Variants in NAMPT observed in about 807,000 individuals in gnomAD.
The protein encoded by NAMPT is NAmPRTase.
A neutral mutation model predicts 58.7 loss-of-function variants in NAMPT; 7 were observed. The ratio of observed to expected loss-of-function variants is 0.12; its 90% CI spans 0.07 to 0.22. The LOEUF is 0.22. Ranked by LOEUF, NAMPT falls within the 10% of genes least tolerant of loss-of-function variation. NAMPT has a pLI of 1.00. For missense variants in NAMPT, 271 were observed against 567.9 expected (o/e 0.48, Z 5.31); for synonymous variants, 145 against 198.1 (o/e 0.73, Z 2.25).
chr7:106,252,930 AAAC>A, intron 10 of NAMPT, 84 bp downstream of exon 10: 1 of 1,474,656 alleles, frequency 6.8e-7, no homozygotes, highest in Non-Finnish European at 9.2e-7. Flanking sequence ...TCTTCCACAA[AAAC>A]AATAACATAA....
intron 1 of NAMPT, 128 bp from the exon 2 acceptor site, chr7:106,277,307 T>C: frequency 1.3e-6 from 1 of 740,976 alleles, no homozygotes; most frequent in Non-Finnish European, 2.2e-6. Flanking sequence ...CCAGTTTCTT[T>C]TCCTGGCTAT....
chr7:106,283,248 A>G (rs1193028814), intron 1 of NAMPT, among the ~76,000 whole-genome samples: 1 of 152,218 alleles, frequency 6.6e-6, no homozygotes, highest in Non-Finnish European at 1.5e-5. Context: ...AGTGCAATTA[A>G]GTATGGCTCA....
intron 7 of NAMPT, 194 bp downstream of exon 7, chr7:106,263,198 A>G (rs1021501568): frequency 4.2e-5 from 23 of 543,528 alleles, no homozygotes; most frequent in Admixed American, 6.9e-5. Context: ...AAAACAATCC[A>G]TAAGTCTTGG....
rs1792077984 is a variant in NAMPT at position 106,249,859 on chromosome 7, A to AGAATCTAGTAG, written c.*1213_*1223dup. 1 of 152,076 alleles carries AGAATCTAGTAG rather than the reference A, an allele frequency of 6.6e-6. No homozygotes were observed. Among genetic ancestry groups the AGAATCTAGTAG allele is most frequent in the Admixed American group, 6.6e-5 (1 of 15,240 alleles). The allele number at this position is 152,076 out of a possible 1,614,324, so 9.4% of individuals were successfully genotyped here. A position where few individuals can be genotyped will look rare whatever the true frequency, so the allele number is the denominator to read the frequency against. On this transcript the variant is annotated 3_prime_UTR_variant, in exon 11 of 11. Coordinates refer to ENST00000222553, the MANE Select transcript of NAMPT (RefSeq NM_005746.3). ...TCTAGTCAGATGTGATGTATGATTC[A>AGAATCTAGTAG]GAATCTAGTAGCTAATCACTCTAGA... is the stretch of plus-strand genomic sequence containing the variant.
chr7:106,285,139 C>T (rs921059569), upstream of NAMPT: 1 of 1,280,182 alleles, frequency 7.8e-7, no homozygotes, highest in African/African-American at 1.6e-5. Context: ...CCTCGGTTCC[C>T]CCGCCTTCAC....
At chr7:106,259,212 C>T (rs905867643) in intron 8 of NAMPT, among the ~76,000 whole-genome samples, 1 of 152,216 alleles carries the variant, frequency 6.6e-6, no homozygotes, top group African/African-American at 2.4e-5. Flanking sequence ...TCTTCAGGCT[C>T]CACCACTTCT....
At chr7:106,255,806 C>T (rs1792188866) in intron 8 of NAMPT, among the ~76,000 whole-genome samples, 1 of 151,870 alleles carries the variant, frequency 6.6e-6, no homozygotes, top group South Asian at 2.1e-4. Flanking sequence ...AATTTCAATA[C>T]AGAAGAAATG....
At chr7:106,284,736 C>CCA in intron 1 of NAMPT, 92 bp downstream of exon 1, 12 of 787,902 alleles carry the variant, frequency 1.5e-5, no homozygotes, top group Admixed American at 4.1e-5. Flanking sequence ...GCCCCAGCCC[C>CCA]AACCCCAGCC....
rs1443302404 is a variant in NAMPT at position 106,248,946 on chromosome 7, GC to G, written c.*2136del. ...ATTTATGGTTGTGAACAAAGAGATA[GC>G]TTTTTTCACTGCAAATTTCTAAATT... On this transcript the variant is annotated 3_prime_UTR_variant, in exon 11 of 11. Transcript: ENST00000222553. 1 of 152,046 alleles carries G rather than the reference GC, an allele frequency of 6.6e-6. No individual in the cohort carries two copies. Among genetic ancestry groups the G allele is most frequent in the East Asian group, 1.9e-4 (1 of 5,190 alleles). The allele number at this position is 152,046 out of a possible 1,614,324, so 9.4% of individuals were successfully genotyped here.
chr7:106,251,953 G>T (rs560621314), intron 10 of NAMPT, among the ~76,000 whole-genome samples: 1 of 151,552 alleles, frequency 6.6e-6, no homozygotes, highest in South Asian at 2.1e-4. Context: ...CTAGTCTGAA[G>T]ATTGAGGTGC....
At chr7:106,279,375 T>C (rs1792715335) in intron 1 of NAMPT, among the ~76,000 whole-genome samples, 1 of 152,182 alleles carries the variant, frequency 6.6e-6, no homozygotes, top group South Asian at 2.1e-4. Context: ...AACTATCTAC[T>C]AACACCCAAC....
Position 106,250,204 on chromosome 7 carries a change from CT to C in NAMPT, c.*878del, listed in dbSNP as rs1792082788. The C allele has an allele frequency of 1.3e-5, 2 of 152,340 alleles. No individual in the cohort carries two copies. Among genetic ancestry groups the C allele is most frequent in the Admixed American group, 6.6e-5 (1 of 15,216 alleles). The allele number at this position is 152,340 out of a possible 1,614,324, so 9.4% of individuals were successfully genotyped here. ...AGAAGTGTAATTACTTTAAAATACA[CT>C]ACTTCCACTTTTGTAAGTATTTTAC... On this transcript the variant is annotated 3_prime_UTR_variant, in exon 11 of 11. Coordinates refer to ENST00000222553, the MANE Select transcript of NAMPT (RefSeq NM_005746.3).
intron 1 of NAMPT, among the ~76,000 whole-genome samples, chr7:106,281,145 G>A (rs901165502): frequency 2.0e-5 from 3 of 151,312 alleles, no homozygotes; most frequent in Admixed American, 1.3e-4. Flanking sequence ...CCATTAAGGA[G>A]TGCTGGCCAA....
upstream of NAMPT, chr7:106,285,657 G>A: frequency 1.0e-6 from 1 of 960,018 alleles, no homozygotes; most frequent in South Asian, 4.8e-5. Context: ...GTGAGGCTGA[G>A]GGGCCCCTTT....
intron 8 of NAMPT, among the ~76,000 whole-genome samples, chr7:106,257,199 A>G (rs2115735180): frequency 6.6e-6 from 1 of 152,118 alleles, no homozygotes; most frequent in African/African-American, 2.4e-5. Flanking sequence ...CTGCATTAAC[A>G]CAAAACGATT....
chr7:106,285,550 C>G (rs1057101823), upstream of NAMPT: 9 of 985,998 alleles, frequency 9.1e-6, no homozygotes, highest in Admixed American at 1.2e-4. Context: ...CCTTTGTCTC[C>G]GGCCTGGATT....
chr7:106,260,087 A>G (rs1283356524), intron 8 of NAMPT, among the ~76,000 whole-genome samples: 1 of 152,182 alleles, frequency 6.6e-6, no homozygotes, highest in Non-Finnish European at 1.5e-5. Flanking sequence ...GACCAGCTGC[A>G]TTATCCACTA....
intron 8 of NAMPT, among the ~76,000 whole-genome samples, chr7:106,259,062 T>C (rs1792258765): frequency 6.6e-6 from 1 of 152,246 alleles, no homozygotes; most frequent in African/African-American, 2.4e-5. Context: ...TCGAAGTCCT[T>C]TGTTGTCATT....
At chr7:106,280,525 G>A (rs1162285625) in intron 1 of NAMPT, among the ~76,000 whole-genome samples, 1 of 152,110 alleles carries the variant, frequency 6.6e-6, no homozygotes, top group Non-Finnish European at 1.5e-5. Context: ...AAATTATTCC[G>A]TAGATGTAAA....
Sources: gnomAD v4.1 joint callset for allele counts (sites outside exome capture counted in the v4.1 genomes callset) on GRCh38, gnomAD v4.1.1 for gene constraint, MANE v1.5 for transcripts, NCBI Gene and HGNC (gene_info 2026-07-23, HGNC 2026-07-21) for gene names.